PTPRN2: variants seen among roughly 807,000 people sequenced by gnomAD.
The protein encoded by PTPRN2 is protein tyrosine phosphatase receptor type N2.
A neutral mutation model predicts 118.8 loss-of-function variants in PTPRN2; 74 were observed. That is an observed-to-expected ratio of 0.62 (90% CI 0.52 to 0.76). The LOEUF (loss-of-function observed/expected upper bound fraction) is 0.76, where lower values mean the gene tolerates loss of function less well. PTPRN2 is among the 30% of genes least tolerant of loss of function. The pLI, the probability that PTPRN2 is intolerant of heterozygous loss-of-function variation, is 0.00. For missense variants in PTPRN2, 1,481 were observed against 1,394.4 expected, an observed-to-expected ratio of 1.06 and a Z score of -0.99; for synonymous variants, 641 against 608.0, an observed-to-expected ratio of 1.05 and a Z score of -0.80.
At chr7:158,341,481 T>G (rs1806770443) in intron 2 of PTPRN2, among the ~76,000 whole-genome samples, 2 of 142,942 alleles carry the variant, frequency 1.4e-5, no homozygotes, top group South Asian at 2.3e-4. Context: ...ACCCACACTC[T>G]CACCATAATT....
chr7:158,081,202 T>C, intron 11 of PTPRN2, 96 bp downstream of exon 11: 1 of 1,250,542 alleles, frequency 8.0e-7, no homozygotes, highest in Middle Eastern at 2.5e-4. Flanking sequence ...GTAGTGTGAG[T>C]CTCTCTCTGC....
chr7:158,322,352 G>C (rs1204440130), intron 2 of PTPRN2, among the ~76,000 whole-genome samples: 1 of 152,222 alleles, frequency 6.6e-6, no homozygotes, highest in Non-Finnish European at 1.5e-5. Flanking sequence ...TGCAAAAAAG[G>C]GCACGAGAGC....
chr7:157,689,098 C>A (rs1208144040), intron 12 of PTPRN2, among the ~76,000 whole-genome samples: 1 of 152,176 alleles, frequency 6.6e-6, no homozygotes, highest in Non-Finnish European at 1.5e-5. Flanking sequence ...GGCGCAGCCG[C>A]CACCGCCGCC....
intron 1 of PTPRN2, among the ~76,000 whole-genome samples, chr7:158,564,118 G>C (rs745346783): frequency 6.6e-6 from 1 of 152,192 alleles, no homozygotes; most frequent in Non-Finnish European, 1.5e-5. Flanking sequence ...TTAATCACAG[G>C]TCTAGGGACT....
intron 12 of PTPRN2, among the ~76,000 whole-genome samples, chr7:157,730,385 A>G (rs949084766): frequency 5.3e-5 from 8 of 152,352 alleles, no homozygotes; most frequent in African/African-American, 7.2e-5. Flanking sequence ...GAGCCAAAAC[A>G]GAGGAGGGTG....
chr7:158,286,400 G>A (rs1799772184), intron 3 of PTPRN2, among the ~76,000 whole-genome samples: 1 of 152,186 alleles, frequency 6.6e-6, no homozygotes, highest in African/African-American at 2.4e-5. Flanking sequence ...TGAAAGAAGT[G>A]GCGAGAGTTA....
intron 22 of PTPRN2, among the ~76,000 whole-genome samples, chr7:157,545,730 T>C (rs1011805330): frequency 6.6e-6 from 1 of 152,100 alleles, no homozygotes; most frequent in African/African-American, 2.4e-5. Flanking sequence ...GGCATCTTTT[T>C]TACCACAACG....
intron 2 of PTPRN2, among the ~76,000 whole-genome samples, chr7:158,318,512 T>C (rs531671664): frequency 1.2e-3 from 179 of 152,060 alleles, no homozygotes; most frequent in African/African-American, 4.2e-3. Context: ...AAAAGCCAGG[T>C]TCCTGGACCC....
intron 12 of PTPRN2, among the ~76,000 whole-genome samples, chr7:157,793,135 G>A (rs535202866): frequency 4.9e-4 from 74 of 152,190 alleles, no homozygotes; most frequent in African/African-American, 1.4e-3. Context: ...GGTTGTGGTC[G>A]GGAGAATGAG....
At chr7:158,270,842 C>CT (rs1183402115) in intron 3 of PTPRN2, among the ~76,000 whole-genome samples, 4 of 28,170 alleles carry the variant, frequency 1.4e-4, no homozygotes, top group African/African-American at 1.1e-3. Context: ...ATGACCCCCT[C>CT]ACCTGGACCG....
At chr7:157,607,055 C>T (rs892253885) in intron 15 of PTPRN2, among the ~76,000 whole-genome samples, 2 of 152,204 alleles carry the variant, frequency 1.3e-5, no homozygotes, top group Admixed American at 6.5e-5. Context: ...CAAGTCATCC[C>T]ATCAGCTCTG....
At chr7:158,088,085 T>C (rs370699383) in intron 10 of PTPRN2, among the ~76,000 whole-genome samples, 256 of 50,614 alleles carry the variant, frequency 5.1e-3, no homozygotes, top group Non-Finnish European at 0.01. Context: ...CTTCCCCTGA[T>C]GAAAGAGGGA....
chr7:158,424,670 T>C (rs750049376), intron 2 of PTPRN2, among the ~76,000 whole-genome samples: 1 of 152,234 alleles, frequency 6.6e-6, no homozygotes, highest in Non-Finnish European at 1.5e-5. Context: ...CTGAGAGCCC[T>C]GAGAGCAGAG....
intron 2 of PTPRN2, among the ~76,000 whole-genome samples, chr7:158,348,176 C>A (rs1375053026): frequency 3.9e-5 from 6 of 152,212 alleles, no homozygotes; most frequent in South Asian, 4.1e-4. Context: ...GACAAGCAGC[C>A]ATCCCAACAC....
At chr7:158,361,336 T>C (rs80351635) in intron 2 of PTPRN2, among the ~76,000 whole-genome samples, 4,665 of 5,710 alleles carry the variant, frequency 0.82, 1,997 homozygotes, top group African/African-American at 0.89. Context: ...CTGGGACGAC[T>C]CACAAACCCT....
At chr7:157,694,155 A>G (rs1351921819) in intron 12 of PTPRN2, among the ~76,000 whole-genome samples, 1 of 152,236 alleles carries the variant, frequency 6.6e-6, no homozygotes, top group East Asian at 1.9e-4. Context: ...CACTTCCAAC[A>G]TCAAAGCACC....
In PTPRN2 at chr7:158,276,974, C is replaced by T. The variant is rs182712568; in HGVS notation, c.277+39845G>A. ...AGGCAGCCCACAGCGGGGTGAGGAC[C>T]GGGCTCCGTCCCCTCTAACAGGGTG... On this transcript the variant is annotated intron_variant, in intron 3 of 22. Coordinates refer to ENST00000389418, the MANE Select transcript of PTPRN2 (RefSeq NM_002847.5). Among the ~76,000 whole-genome samples, 1,124 of 152,240 alleles carry T rather than the reference C, an allele frequency of 7.4e-3. 12 individuals are homozygous for T. Among genetic ancestry groups the T allele is most frequent in the African/African-American group, 0.025 (1,055 of 41,544 alleles).
intron 15 of PTPRN2, among the ~76,000 whole-genome samples, chr7:157,604,356 T>G (rs1801879482): frequency 6.6e-6 from 1 of 152,146 alleles, no homozygotes; most frequent in Admixed American, 6.5e-5. Flanking sequence ...CATCCTCCCC[T>G]CCGTTTGTGA....
chr7:158,327,529 A>G (rs1414485859), intron 2 of PTPRN2, among the ~76,000 whole-genome samples: 2 of 151,560 alleles, frequency 1.3e-5, no homozygotes, highest in African/African-American at 4.9e-5. Context: ...TCTCACACAC[A>G]TGCACATGTA....
Sources: gnomAD v4.1 joint callset for allele counts (sites outside exome capture counted in the v4.1 genomes callset) on GRCh38, gnomAD v4.1.1 for gene constraint, MANE v1.5 for transcripts, NCBI Gene and HGNC (gene_info 2026-07-23, HGNC 2026-07-21) for gene names.